Variants in RIMS2 observed in about 807,000 individuals in gnomAD.
RIMS2 encodes regulating synaptic membrane exocytosis 2.
In RIMS2, 59 loss-of-function variants were observed where a neutral mutation model predicts 174.4. The ratio of observed to expected loss-of-function variants is 0.34; its 90% confidence interval spans 0.27 to 0.42. The LOEUF (loss-of-function observed/expected upper bound fraction) is 0.42. RIMS2 is among the 10% of genes least tolerant of loss of function. The pLI is 1.00. For synonymous variants in RIMS2, 606 were observed against 572.5 expected, an observed-to-expected ratio of 1.06 and a Z score of -0.84; for missense variants, 1,620 against 1,666.3, an observed-to-expected ratio of 0.97 and a Z score of 0.48.
intron 19 of RIMS2, among the ~76,000 whole-genome samples, chr8:104,064,260 T>C (rs2097061399): frequency 6.6e-6 from 1 of 152,192 alleles, no homozygotes; most frequent in Admixed American, 6.5e-5. Context: ...CTACAGAATA[T>C]GTGATATGAT....
chr8:104,079,798 A>G (rs1469370683), intron 19 of RIMS2, among the ~76,000 whole-genome samples: 4 of 151,526 alleles, frequency 2.6e-5, no homozygotes, highest in Non-Finnish European at 5.9e-5. Flanking sequence ...AACGGTGACT[A>G]TATTATTCAT....
chr8:103,597,727 ATT>A (rs71512484), intron 1 of RIMS2, among the ~76,000 whole-genome samples: 4 of 149,072 alleles, frequency 2.7e-5, no homozygotes, highest in Admixed American at 6.7e-5. Flanking sequence ...TCATGTTATT[ATT>A]TTTTTTTTTA....
chr8:104,125,120 G>A (rs2098418132), intron 19 of RIMS2, among the ~76,000 whole-genome samples: 1 of 152,076 alleles, frequency 6.6e-6, no homozygotes, highest in Non-Finnish European at 1.5e-5. Flanking sequence ...GCTGCCCGTG[G>A]TAAAGGACTA....
At chr8:103,658,043 C>G (rs2096552612) in intron 1 of RIMS2, among the ~76,000 whole-genome samples, 1 of 152,160 alleles carries the variant, frequency 6.6e-6, no homozygotes, top group Non-Finnish European at 1.5e-5. Flanking sequence ...TCTACTGTAA[C>G]TGCTATAATG....
At chr8:104,216,671 G>C (rs1049680735) in intron 19 of RIMS2, among the ~76,000 whole-genome samples, 2 of 152,222 alleles carry the variant, frequency 1.3e-5, no homozygotes, top group Non-Finnish European at 2.9e-5. Context: ...TGTATTAAAT[G>C]AGTGTATGTG....
chr8:104,223,978 T>G (rs1284197385), intron 19 of RIMS2, among the ~76,000 whole-genome samples: 2 of 152,236 alleles, frequency 1.3e-5, no homozygotes, highest in African/African-American at 4.8e-5. Flanking sequence ...CTTGGTTATT[T>G]GGAGAGCTCC....
intron 16 of RIMS2, chr8:103,975,939 G>T: frequency 6.5e-6 from 1 of 153,704 alleles, no homozygotes; most frequent in South Asian, 2.0e-4. Flanking sequence ...TTCTTCACCC[G>T]CTTTGTTCCA....
At chr8:104,066,968 T>C (rs778566698) in intron 19 of RIMS2, among the ~76,000 whole-genome samples, 31 of 152,178 alleles carry the variant, frequency 2.0e-4, no homozygotes, top group African/African-American at 7.2e-4. Context: ...CTATCTAATA[T>C]GCAATGAGAT....
chr8:103,941,527 T>C (rs1399415357), intron 13 of RIMS2, among the ~76,000 whole-genome samples: 1 of 152,130 alleles, frequency 6.6e-6, no homozygotes, highest in Non-Finnish European at 1.5e-5. Flanking sequence ...CTTGGCTGTA[T>C]TGCTTCTTTA....
intron 19 of RIMS2, among the ~76,000 whole-genome samples, chr8:104,058,401 C>G (rs1324745712): frequency 6.6e-6 from 1 of 150,454 alleles, no homozygotes; most frequent in Non-Finnish European, 1.5e-5. Flanking sequence ...CCTTCGCCCA[C>G]TTTTTGATGG....
rs560164754 is a variant in RIMS2, at chr8:103,605,550, G to C, written c.177-91536G>C. Among the ~76,000 whole-genome samples the C allele has an allele frequency of 4.9e-3, 737 of 151,452 alleles. 8 individuals carry two copies. The highest frequency in any genetic ancestry group is 0.017 in the African/African-American group (712 of 41,074). On this transcript the variant is annotated intron_variant, in intron 1 of 23. Transcript: ENST00000504942. ...AGGGAGGATTCCCTCTTTTTCTATT[G>C]ATTGGAATAGTTTCAGAAGGAATGG...
chr8:104,084,151 C>T (rs2097486300), intron 19 of RIMS2, among the ~76,000 whole-genome samples: 1 of 151,850 alleles, frequency 6.6e-6, no homozygotes, highest in Admixed American at 6.6e-5. Context: ...ATTATAAAAA[C>T]TAACTGTGAC....
At chr8:103,871,805 T>TC (rs1455273828) in intron 3 of RIMS2, among the ~76,000 whole-genome samples, 1 of 152,170 alleles carries the variant, frequency 6.6e-6, no homozygotes, top group Non-Finnish European at 1.5e-5. Flanking sequence ...TACATTTAGT[T>TC]CTTTTGGGAA....
chr8:104,068,656 A>G, intron 19 of RIMS2, 44 bp downstream of exon 23: 1 of 957,962 alleles, frequency 1.0e-6, no homozygotes, highest in Non-Finnish European at 1.6e-6. Flanking sequence ...AATCAATCAT[A>G]TGAAACAGTT....
At chr8:103,662,237 G>GT (rs1451247133) in intron 1 of RIMS2, among the ~76,000 whole-genome samples, 1 of 152,138 alleles carries the variant, frequency 6.6e-6, no homozygotes, top group Non-Finnish European at 1.5e-5. Context: ...AGATGTTTTT[G>GT]TGTAAGCTAT....
intron 2 of RIMS2, among the ~76,000 whole-genome samples, chr8:103,708,395 G>A (rs2097260234): frequency 6.6e-6 from 1 of 152,182 alleles, no homozygotes; most frequent in Admixed American, 6.5e-5. Context: ...CTAGGGTTGG[G>A]TGAGGAGTGG....
In RIMS2 at chr8:103,811,597, G is replaced by A. The variant is rs888178841; in HGVS notation, c.698+45060G>A. 7.2e-5 allele frequency among the ~76,000 whole-genome samples: 11 copies of A among 151,822 alleles called. 1 individual carries two copies. Among genetic ancestry groups the A allele is most frequent in the South Asian group, 2.1e-4 (1 of 4,788 alleles). On this transcript the variant is annotated intron_variant, in intron 3 of 23. Coordinates refer to ENST00000504942, the Ensembl canonical transcript of RIMS2. ...GTAGCTGGGATTACAGGCACCCGCC[G>A]CTACATCTGGCTAATTTTTTGCATT...
intron 3 of RIMS2, among the ~76,000 whole-genome samples, chr8:103,792,122 T>G (rs2098504856): frequency 6.6e-6 from 1 of 152,172 alleles, no homozygotes; most frequent in African/African-American, 2.4e-5. Context: ...ATATACATTC[T>G]TCTCAGCACC....
At chr8:103,772,839 A>G (rs1322583203) in intron 3 of RIMS2, among the ~76,000 whole-genome samples, 4 of 152,182 alleles carry the variant, frequency 2.6e-5, no homozygotes, top group Admixed American at 6.5e-5. Flanking sequence ...GGCAAAGGCA[A>G]TTCAGTAGAG....
Sources: gnomAD v4.1 joint callset for allele counts (sites outside exome capture counted in the v4.1 genomes callset) on GRCh38, gnomAD v4.1.1 for gene constraint, MANE v1.5 for transcripts, NCBI Gene and HGNC (gene_info 2026-07-23, HGNC 2026-07-21) for gene names.